The following P2RY14 variants were observed in gnomAD, a reference collection of about 807,000 sequenced individuals.
P2RY14 encodes the protein purinergic receptor P2Y14.
Under a neutral mutation model 0.9 loss-of-function variants are expected in P2RY14, and 2 were observed. The ratio of observed to expected loss-of-function variants is 2.16; its 90% CI spans 0.88 to 6.79. P2RY14 has a LOEUF of 6.79. P2RY14 is among the 30% of genes most tolerant of loss of function. P2RY14 has a pLI of 0.05. For synonymous variants in P2RY14, 158 were observed against 147.2 expected, an observed-to-expected ratio of 1.07 and a Z score of -0.53; for missense variants, 378 against 400.1, an observed-to-expected ratio of 0.94 and a Z score of 0.47.
chr3:151,222,036 C>T (rs1390355963), intron 1 of P2RY14, among the ~76,000 whole-genome samples: 5 of 152,226 alleles, frequency 3.3e-5, no homozygotes, highest in African/African-American at 4.8e-5. Context: ...GGGTGTGAGA[C>T]ATGGAGTCAA....
intron 1 of P2RY14, among the ~76,000 whole-genome samples, chr3:151,226,160 G>A (rs912600480): frequency 2.6e-5 from 4 of 152,314 alleles, no homozygotes; most frequent in African/African-American, 9.6e-5. Flanking sequence ...CAGTGAGCAC[G>A]TATCTAGTTT....
At chr3:151,218,670 CA>C (rs1476530850) in intron 2 of P2RY14, among the ~76,000 whole-genome samples, 4 of 151,544 alleles carry the variant, frequency 2.6e-5, no homozygotes. Context: ...AGATTGAGAC[CA>C]GCCTGGCCAA....
chr3:151,263,074 T>C (rs1739198272), intron 1 of P2RY14, among the ~76,000 whole-genome samples: 1 of 152,106 alleles, frequency 6.6e-6, no homozygotes, highest in Non-Finnish European at 1.5e-5. Context: ...AAGAGACCCA[T>C]GTAGGAGTAC....
intron 1 of P2RY14, among the ~76,000 whole-genome samples, chr3:151,222,949 C>T (rs372415042): frequency 6.6e-6 from 1 of 152,088 alleles, no homozygotes; most frequent in African/African-American, 2.4e-5. Flanking sequence ...TTTATGGTCT[C>T]TTGGAAATGT....
chr3:151,221,548 A>G (rs1729355165), intron 1 of P2RY14, among the ~76,000 whole-genome samples: 1 of 151,960 alleles, frequency 6.6e-6, no homozygotes, highest in South Asian at 2.1e-4. Flanking sequence ...CATCCCAGCC[A>G]CTCTAGTGTG....
chr3:151,231,881 T>C (rs1559910537), intron 1 of P2RY14, among the ~76,000 whole-genome samples: 1 of 152,234 alleles, frequency 6.6e-6, no homozygotes, highest in African/African-American at 2.4e-5. Flanking sequence ...CTGCAACTTA[T>C]TTTGAAAGTA....
chr3:151,219,199 G>A (rs190223773), intron 2 of P2RY14, among the ~76,000 whole-genome samples: 229 of 152,276 alleles, frequency 1.5e-3, no homozygotes, highest in African/African-American at 5.4e-3. Context: ...TAATATCTTA[G>A]GATTGTGCTG....
At chr3:151,238,828 A>T (rs1272922002) in intron 1 of P2RY14, among the ~76,000 whole-genome samples, 1 of 152,252 alleles carries the variant, frequency 6.6e-6, no homozygotes, top group East Asian at 1.9e-4. Context: ...TTTGCTACTT[A>T]TGATTGTCTA....
rs368040389 is a variant in P2RY14, at chr3:151,213,775, C to T, written c.542G>A (p.Arg181Gln). Residue 181 changes from arginine to glutamine, a missense_variant, in exon 3 of 3, where the codon CGG becomes CAG. Transcript: ENST00000309170. ...KCIELKSELG[R>Q]KWHKASNYIF... Reference sequence around the variant, plus strand: ...GTAGTTTGATGCTTTGTGCCACTTCCGTCCCAGTTCACTTTTCAGTTCTAT... The same window carrying T: ...GTAGTTTGATGCTTTGTGCCACTTCTGTCCCAGTTCACTTTTCAGTTCTAT... 61 of 1,614,016 alleles carry T rather than the reference C, an allele frequency of 3.8e-5. No individual in the cohort carries two copies. Among genetic ancestry groups the T allele is most frequent in the South Asian group, 8.8e-5 (8 of 91,084 alleles).
chr3:151,272,601 A>G (rs748420758), intron 1 of P2RY14, among the ~76,000 whole-genome samples: 15 of 152,180 alleles, frequency 9.9e-5, no homozygotes, highest in Non-Finnish European at 1.8e-4. Flanking sequence ...TACTCGGGAA[A>G]GGTTGTTTGT....
intron 1 of P2RY14, among the ~76,000 whole-genome samples, chr3:151,243,159 T>TGG (rs1734579641): frequency 6.6e-6 from 1 of 151,922 alleles, no homozygotes. Flanking sequence ...CTGAAAGTGA[T>TGG]GGGGAGAATG....
At chr3:151,222,873 A>G (rs1176344276) in intron 1 of P2RY14, among the ~76,000 whole-genome samples, 1 of 152,204 alleles carries the variant, frequency 6.6e-6, no homozygotes, top group Admixed American at 6.5e-5. Flanking sequence ...TTATATTCCA[A>G]GTAGGCCTGA....
At chr3:151,252,147 C>T (rs1465657893) in intron 1 of P2RY14, among the ~76,000 whole-genome samples, 1 of 152,128 alleles carries the variant, frequency 6.6e-6, no homozygotes, top group Non-Finnish European at 1.5e-5. Flanking sequence ...ACTCACCTTC[C>T]TGTGTTACCA....
rs189404685 is a variant in P2RY14, at chr3:151,213,963, G to T, written c.354C>A (p.Asp118Glu). Residue 118 changes from aspartate to glutamate, a missense_variant, in exon 3 of 3, where the codon GAC (aspartate) becomes GAA (glutamate). Physicochemically the swap from Asp to Glu is conservative, Grantham distance 45. Coordinates refer to ENST00000309170, the MANE Select transcript of P2RY14 (RefSeq NM_014879.4). ...GAGGCTTTACAATTTTATAATATCT[G>T]TCAAAGCTGATGAGCCCAAAGAACA... Reference protein sequence around the residue: ...SIVFFGLISFDRYYKIVKPLW... With the variant: ...SIVFFGLISFERYYKIVKPLW... The T allele has an allele frequency of 6.2e-7, 1 of 1,614,060 alleles. No individual in the cohort carries two copies. Among genetic ancestry groups the T allele is most frequent in the East Asian group, 2.2e-5 (1 of 44,864 alleles).
chr3:151,248,545 C>T (rs1452974816), intron 1 of P2RY14, among the ~76,000 whole-genome samples: 1 of 152,074 alleles, frequency 6.6e-6, no homozygotes, highest in Non-Finnish European at 1.5e-5. Context: ...ATACCAAATA[C>T]TAATTTTGTC....
intron 2 of P2RY14, among the ~76,000 whole-genome samples, chr3:151,214,871 A>G (rs943809464): frequency 6.6e-6 from 1 of 152,174 alleles, no homozygotes; most frequent in African/African-American, 2.4e-5. Context: ...CCCATGTGTA[A>G]TGTATTTTTT....
At chr3:151,278,091 TCCC>T (rs1387662127) in intron 1 of P2RY14, among the ~76,000 whole-genome samples, 193 bp downstream of exon 1, 2 of 152,164 alleles carry the variant, frequency 1.3e-5, no homozygotes, top group Non-Finnish European at 2.9e-5. Context: ...CAGTATTGGA[TCCC>T]CATATTAGCA....
chr3:151,221,212 A>G (rs1729279434), intron 1 of P2RY14, among the ~76,000 whole-genome samples: 1 of 152,324 alleles, frequency 6.6e-6, no homozygotes, highest in African/African-American at 2.4e-5. Flanking sequence ...AGCATTAAAG[A>G]GGTGACTTGG....
At chr3:151,214,522 G>C (rs1448203364) in intron 2 of P2RY14, among the ~76,000 whole-genome samples, 182 bp from the exon 3 acceptor site, 1 of 151,592 alleles carries the variant, frequency 6.6e-6, no homozygotes, top group Non-Finnish European at 1.5e-5. Context: ...TCTTTCTTTT[G>C]GTCTTCCTTT....
Sources: allele counts gnomAD v4.1 joint callset (sites outside exome capture counted in the v4.1 genomes callset), GRCh38; gene constraint gnomAD v4.1.1; transcripts MANE v1.5; gene names NCBI Gene and HGNC (gene_info 2026-07-23, HGNC 2026-07-21).